SMNDC1: variants seen among roughly 807,000 people sequenced by gnomAD.
SMNDC1 encodes survival of motor neuron-related-splicing factor 30.
Under a neutral mutation model 29.2 loss-of-function variants are expected in SMNDC1, and 5 were observed. The observed-to-expected ratio is 0.17, with a 90% CI of 0.09 to 0.36. The LOEUF is 0.36. Ranked by LOEUF, SMNDC1 falls within the 10% of genes least tolerant of loss-of-function variation. The pLI is 1.00. For synonymous variants in SMNDC1, 80 were observed against 89.9 expected, an observed-to-expected ratio of 0.89 and a Z score of 0.62; for missense variants, 142 against 268.5, an observed-to-expected ratio of 0.53 and a Z score of 3.29.
intron 4 of SMNDC1, 144 bp downstream of exon 4, chr10:110,297,423 C>T: frequency 1.4e-6 from 1 of 708,706 alleles, no homozygotes; most frequent in Non-Finnish European, 2.3e-6. Flanking sequence ...CTTACACAGA[C>T]AATGTTGACC....
intron 2 of SMNDC1, 61 bp downstream of exon 2, chr10:110,303,407 T>C (rs939855042): frequency 4.0e-6 from 6 of 1,492,878 alleles, no homozygotes; most frequent in Non-Finnish European, 5.4e-6. Flanking sequence ...TTTGGGTACT[T>C]AGGGATTCAA....
intron 2 of SMNDC1, 132 bp from the exon 3 acceptor site, chr10:110,298,922 A>G: frequency 1.6e-6 from 1 of 635,346 alleles, no homozygotes; most frequent in East Asian, 2.8e-5. Flanking sequence ...AACACTATTA[A>G]GCAAGTACTG....
In SMNDC1 at chr10:110,293,038, C is replaced by A. The variant is rs1374694972; in HGVS notation, c.*1112G>T. The A allele has an allele frequency of 6.6e-6, 1 of 152,052 alleles. No individual in the cohort carries two copies. The highest frequency in any genetic ancestry group is 2.4e-5 in the African/African-American group (1 of 41,404). 9.4% of individuals were successfully genotyped at this position (152,052 alleles called of 1,614,324 possible). On this transcript the variant is annotated 3_prime_UTR_variant, in exon 6 of 6. Coordinates refer to ENST00000369603, the MANE Select transcript of SMNDC1 (RefSeq NM_005871.4). ...AGACTTTACCCTTTTGTTAACACAC[C>A]CTGGAGATTTTAAAAACACTTTATT...
rs1857588478 is a variant in SMNDC1, at chr10:110,297,825, A to C, written c.264-97T>G. ...TGATAAAATTATTACATGTGTCTAT[A>C]ATGAAACTTCTATAATCAAATGGTT... On this transcript the variant is annotated intron_variant, in intron 3 of 5. Coordinates refer to ENST00000369603, the MANE Select transcript of SMNDC1 (RefSeq NM_005871.4). 34 of 1,068,202 alleles carry C rather than the reference A, an allele frequency of 3.2e-5. No individual in the cohort carries two copies. In the East Asian group the frequency reaches 8.8e-4, roughly 28 times the overall value. The allele number at this position is 1,068,202 out of a possible 1,614,324, so 66.2% of individuals were successfully genotyped here.
rs1857724545 is a variant in SMNDC1 at position 110,304,905 on chromosome 10, G to A, written c.-158C>T. On this transcript the variant is annotated 5_prime_UTR_variant, in exon 1 of 6. Transcript: ENST00000369603. ...AAAGGAAGAACTCGGTCGGCGGCGA[G>A]GGGGAAGGGAGGAACGCCGGGCACT... is the stretch of plus-strand genomic sequence containing the variant. The A allele has an allele frequency of 6.6e-6, 1 of 152,396 alleles. No individual in the cohort carries two copies. The highest frequency in any genetic ancestry group is 2.4e-5 in the African/African-American group (1 of 41,462). The allele number at this position is 152,396 out of a possible 1,614,324, so 9.4% of individuals were successfully genotyped here.
intron 1 of SMNDC1, chr10:110,303,990 C>A (rs1857698796): frequency 6.3e-6 from 1 of 158,250 alleles, no homozygotes; most frequent in African/African-American, 2.4e-5. Flanking sequence ...CTACAGTATG[C>A]TTCCAAAGCC....
At position 110,297,783 on chromosome 10, in the gene SMNDC1, C is replaced by T. The variant is rs1034432353; in HGVS notation, c.264-55G>A. 41 of 1,499,512 alleles carry T rather than the reference C, an allele frequency of 2.7e-5. No homozygotes were observed. The South Asian group carries it at 4.7e-4, about 17-fold the overall frequency. The allele number at this position is 1,499,512 out of a possible 1,614,324, so 92.9% of individuals were successfully genotyped here. On this transcript the variant is annotated intron_variant, in intron 3 of 5. Coordinates refer to ENST00000369603, the MANE Select transcript of SMNDC1 (RefSeq NM_005871.4). ...GAGTAAAGGTTTAGTACTCAGCCTA[C>T]AAGACTTATACTGTAGTGATAAAAT...
At chr10:110,296,748 C>T (rs920793478) in intron 4 of SMNDC1, among the ~76,000 whole-genome samples, 11 of 152,154 alleles carry the variant, frequency 7.2e-5, no homozygotes, top group African/African-American at 2.7e-4. Context: ...CTTACAAGCT[C>T]TTTATGTTCT....
chr10:110,298,632 T>A lies in SMNDC1; in HGVS notation c.263+16A>T. 6.3e-7 allele frequency: 1 copy of A among 1,586,740 alleles called. No homozygotes were observed. The highest frequency in any genetic ancestry group is 8.6e-7 in the Non-Finnish European group (1 of 1,168,896). The stretch of plus-strand genomic sequence containing the variant: ...TTATTTCATGTTATAGTTAGAGTTT[T>A]TTTTTCTACACTTACTGTCCATCTT... On this transcript the variant is annotated intron_variant, in intron 3 of 5. Transcript: ENST00000369603.
At position 110,292,854 on chromosome 10, in the gene SMNDC1, C is replaced by T. The variant is rs1857514536; in HGVS notation, c.*1296G>A. On this transcript the variant is annotated 3_prime_UTR_variant, in exon 6 of 6. Coordinates refer to ENST00000369603, the MANE Select transcript of SMNDC1 (RefSeq NM_005871.4). The stretch of plus-strand genomic sequence containing the variant: ...AAACACCCATTAAAATGAGGACATC[C>T]TATAAACACAGGCCTGGTTTGCCCT... 1.3e-5 allele frequency: 2 copies of T among 152,126 alleles called. No individual in the cohort carries two copies. Among genetic ancestry groups the T allele is most frequent in the South Asian group, 4.1e-4 (2 of 4,830 alleles). The allele number at this position is 152,126 out of a possible 1,614,324, so 9.4% of individuals were successfully genotyped here. A position where few individuals can be genotyped will look rare whatever the true frequency, so the allele number is the denominator to read the frequency against.
At chr10:110,295,758 C>T (rs890593831) in intron 4 of SMNDC1, among the ~76,000 whole-genome samples, 4 of 151,924 alleles carry the variant, frequency 2.6e-5, no homozygotes, top group Non-Finnish European at 5.9e-5. Context: ...TCTTGTGCCT[C>T]ACCCTCCCAA....
At chr10:110,295,058 GAC>G (rs1857546401) in intron 5 of SMNDC1, among the ~76,000 whole-genome samples, 168 bp downstream of exon 5, 1 of 152,108 alleles carries the variant, frequency 6.6e-6, no homozygotes, top group South Asian at 2.1e-4. Flanking sequence ...TTATTGCAGA[GAC>G]AATGGCTAAC....
Position 110,291,316 on chromosome 10 carries a change from C to G in SMNDC1, c.*2834G>C, listed in dbSNP as rs1349140028. On this transcript the variant is annotated 3_prime_UTR_variant, in exon 6 of 6. Coordinates refer to ENST00000369603, the MANE Select transcript of SMNDC1 (RefSeq NM_005871.4). Reference sequence around the variant, plus strand: ...TGACTTTTATTATAACCTTCACCCCCTTCCCATTAAGAAACATGCCCTAGT... The same window carrying G: ...TGACTTTTATTATAACCTTCACCCCGTTCCCATTAAGAAACATGCCCTAGT... The G allele has an allele frequency of 6.6e-6, 1 of 152,184 alleles. No homozygotes were observed. The highest frequency in any genetic ancestry group is 1.5e-5 in the Non-Finnish European group (1 of 68,022). 9.4% of individuals were successfully genotyped at this position (152,184 alleles called of 1,614,324 possible).
chr10:110,302,330 C>A (rs951087622), intron 2 of SMNDC1, among the ~76,000 whole-genome samples: 1 of 152,110 alleles, frequency 6.6e-6, no homozygotes, highest in Admixed American at 6.6e-5. Flanking sequence ...CTGGCTTCTA[C>A]GTATCGAAGA....
intron 5 of SMNDC1, among the ~76,000 whole-genome samples, chr10:110,294,778 A>G (rs758299705): frequency 9.2e-5 from 14 of 152,240 alleles, no homozygotes; most frequent in Non-Finnish European, 8.8e-5. Context: ...CATGGGTGAA[A>G]GTCAGGTTAT....
chr10:110,303,800 A>T (rs565395423), intron 1 of SMNDC1: 2 of 473,130 alleles, frequency 4.2e-6, no homozygotes, highest in African/African-American at 4.1e-5. Flanking sequence ...TAAACTTGAG[A>T]TACATTCCAT....
In SMNDC1 at chr10:110,295,596, T is replaced by C. The variant is rs192745596; in HGVS notation, c.426-215A>G. 3.1e-3 allele frequency among the ~76,000 whole-genome samples: 474 copies of C among 152,132 alleles called. 2 individuals carry two copies. The highest frequency in any genetic ancestry group is 4.9e-3 in the Non-Finnish European group (330 of 67,990). ...ATCCTTGGAAGCTTTCAAACATAAC[T>C]GTAATCTATTTACCCATATAAGGTA... On this transcript the variant is annotated intron_variant, in intron 4 of 5. Transcript: ENST00000369603.
rs148886005 is a variant in SMNDC1 at position 110,293,818 on chromosome 10, A to C, written c.*332T>G. The C allele has an allele frequency of 6.6e-4, 109 of 165,830 alleles. 1 individual carries two copies. The highest frequency in any genetic ancestry group is 2.4e-3 in the African/African-American group (102 of 42,198). 10.3% of individuals were successfully genotyped at this position (165,830 alleles called of 1,614,324 possible). A position where few individuals can be genotyped will look rare whatever the true frequency, so the allele number is the denominator to read the frequency against. On this transcript the variant is annotated 3_prime_UTR_variant, in exon 6 of 6. Coordinates refer to ENST00000369603, the MANE Select transcript of SMNDC1 (RefSeq NM_005871.4). ...AAGTTCAAAGCATCTGAAAATTTCA[A>C]GTTACAACTTACAAAAAGTACACAC...
At chr10:110,295,751 T>C (rs967368416) in intron 4 of SMNDC1, among the ~76,000 whole-genome samples, 5 of 152,032 alleles carry the variant, frequency 3.3e-5, no homozygotes, top group African/African-American at 4.8e-5. Context: ...AAGAGATTCT[T>C]GTGCCTCACC....
Sources: gnomAD v4.1 joint callset for allele counts (sites outside exome capture counted in the v4.1 genomes callset) on GRCh38, gnomAD v4.1.1 for gene constraint, MANE v1.5 for transcripts, NCBI Gene and HGNC (gene_info 2026-07-23, HGNC 2026-07-21) for gene names.